CDH13: variants seen among roughly 807,000 people sequenced by gnomAD.
CDH13 encodes cadherin 13.
A neutral mutation model predicts 63.8 loss-of-function variants in CDH13; 24 were observed. That is an observed-to-expected ratio of 0.38 (90% CI 0.27 to 0.53). The LOEUF (loss-of-function observed/expected upper bound fraction) is 0.53. Among genes scored for constraint, CDH13 ranks in the 20% least tolerant of loss-of-function variants. The pLI, the probability that CDH13 is intolerant of heterozygous loss-of-function variation, is 0.85. For missense variants in CDH13, 1,049 were observed against 903.1 expected, an observed-to-expected ratio of 1.16 and a Z score of -2.07; for synonymous variants, 503 against 355.3, an observed-to-expected ratio of 1.42 and a Z score of -4.67.
chr16:83,448,201 T>C (rs2072769282), intron 6 of CDH13, among the ~76,000 whole-genome samples: 4 of 152,130 alleles, frequency 2.6e-5, no homozygotes. Flanking sequence ...TGAGTCTAGC[T>C]ATCTGGAGTG....
chr16:83,273,535 A>AAGCC (rs1171379660), intron 5 of CDH13, among the ~76,000 whole-genome samples: 1 of 152,202 alleles, frequency 6.6e-6, no homozygotes, highest in African/African-American at 2.4e-5. Flanking sequence ...GAATACTATG[A>AAGCC]AGCCACAAAA....
At chr16:83,141,395 T>C (rs1302875681) in intron 4 of CDH13, among the ~76,000 whole-genome samples, 4 of 152,212 alleles carry the variant, frequency 2.6e-5, no homozygotes, top group Non-Finnish European at 2.9e-5. Flanking sequence ...CTTGACATAA[T>C]TGATGTCAGC....
At chr16:83,614,773 G>T (rs1909149466) in intron 8 of CDH13, among the ~76,000 whole-genome samples, 1 of 152,162 alleles carries the variant, frequency 6.6e-6, no homozygotes, top group Non-Finnish European at 1.5e-5. Context: ...ACATGGTGCG[G>T]ATATAATTCC....
intron 7 of CDH13, among the ~76,000 whole-genome samples, chr16:83,590,452 G>C (rs1418057126): frequency 6.6e-6 from 1 of 152,182 alleles, no homozygotes; most frequent in Non-Finnish European, 1.5e-5. Flanking sequence ...CCTCCGGGAA[G>C]AACGGCCAGG....
chr16:82,869,436 T>C (rs932815743), intron 2 of CDH13, among the ~76,000 whole-genome samples: 1 of 151,866 alleles, frequency 6.6e-6, no homozygotes, highest in Non-Finnish European at 1.5e-5. Context: ...TGTAACTTTA[T>C]CCTTATTAAA....
chr16:82,858,711 G>C, intron 2 of CDH13: 1 of 594,630 alleles, frequency 1.7e-6, no homozygotes, highest in Non-Finnish European at 3.0e-6. Context: ...TCTCCATACT[G>C]CTGTCAGAAA....
rs776205026 is a variant in CDH13 at position 83,010,983 on chromosome 16, G to A, written c.158-21027G>A. Among the ~76,000 whole-genome samples, 10 of 152,144 alleles carry A rather than the reference G, an allele frequency of 6.6e-5. No homozygotes were observed. The South Asian group carries it at 8.3e-4, about 13-fold the overall frequency. On this transcript the variant is annotated intron_variant, in intron 2 of 13. Transcript: ENST00000567109. ...AGCACTTAGTTCACACTTCTAATGC[G>A]TAGAACATGCAACATCGTCGCCTAA...
At chr16:82,849,841 C>T (rs62035197) in intron 1 of CDH13, among the ~76,000 whole-genome samples, 14 of 152,116 alleles carry the variant, frequency 9.2e-5, no homozygotes, top group African/African-American at 2.7e-4. Context: ...ACAAAAGGAA[C>T]AACAAAGCCT....
chr16:82,720,870 C>T (rs896786279), intron 1 of CDH13, among the ~76,000 whole-genome samples: 1 of 152,282 alleles, frequency 6.6e-6, no homozygotes, highest in Admixed American at 6.5e-5. Context: ...AATGAGTCTC[C>T]TGTGCCTGAA....
intron 1 of CDH13, among the ~76,000 whole-genome samples, chr16:82,780,492 A>G (rs1031342918): frequency 6.6e-6 from 1 of 152,226 alleles, no homozygotes; most frequent in African/African-American, 2.4e-5. Context: ...TCCCCTCTGC[A>G]GCCAAGTTGA....
chr16:82,881,134 C>T (rs967603755), intron 2 of CDH13, among the ~76,000 whole-genome samples: 1 of 152,060 alleles, frequency 6.6e-6, no homozygotes, highest in African/African-American at 2.4e-5. Context: ...ATGGAAAAGG[C>T]ATATAGCAAA....
intron 1 of CDH13, among the ~76,000 whole-genome samples, chr16:82,656,810 A>T (rs560142680): frequency 1.9e-4 from 29 of 152,158 alleles, no homozygotes; most frequent in African/African-American, 6.5e-4. Flanking sequence ...CCTTTCCCAG[A>T]ATGTCATATG....
At chr16:82,895,799 G>A (rs1364238883) in intron 2 of CDH13, among the ~76,000 whole-genome samples, 1 of 151,954 alleles carries the variant, frequency 6.6e-6, no homozygotes, top group Non-Finnish European at 1.5e-5. Flanking sequence ...GCACTCAGGA[G>A]CTTGAACACG....
chr16:83,712,949 T>C lies in CDH13; in HGVS notation c.1538+34488T>C, dbSNP rs1908287166. 2.6e-5 allele frequency among the ~76,000 whole-genome samples: 4 copies of C among 152,368 alleles called. No homozygotes were observed. In the South Asian group the frequency reaches 8.3e-4, roughly 32 times the overall value. On this transcript the variant is annotated intron_variant, in intron 10 of 13. Coordinates refer to ENST00000567109, the MANE Select transcript of CDH13 (RefSeq NM_001257.5). ...CCGCAAAGTGACTTTGAAGTAACAG[T>C]ACGATTCTGAGCCACGTTAAAGAAA...
intron 2 of CDH13, among the ~76,000 whole-genome samples, chr16:82,998,623 C>A (rs75834356): frequency 0.034 from 5,235 of 152,182 alleles, 111 homozygotes; most frequent in Non-Finnish European, 0.045. Flanking sequence ...CAATTTAGAT[C>A]CTTCTCTTGG....
rs184710810 is a variant in CDH13 at position 82,642,736 on chromosome 16, T to C, written c.45+15599T>C. 1.3e-3 allele frequency among the ~76,000 whole-genome samples: 199 copies of C among 152,348 alleles called. 1 individual carries two copies. Among genetic ancestry groups the C allele is most frequent in the African/African-American group, 4.6e-3 (192 of 41,590 alleles). ...TAGAAGTGGCAGTAATAGTAGCTGA[T>C]ATCAGTGTGGTGCTGATTTTGAACC... is the stretch of plus-strand genomic sequence containing the variant. On this transcript the variant is annotated intron_variant, in intron 1 of 13. Transcript: ENST00000567109.
At chr16:83,730,110 A>C (rs994712878) in intron 10 of CDH13, among the ~76,000 whole-genome samples, 1 of 152,242 alleles carries the variant, frequency 6.6e-6, no homozygotes, top group East Asian at 1.9e-4. Flanking sequence ...ATGTCTACGT[A>C]GCATTCCATT....
At chr16:83,645,106 C>G (rs1291851968) in intron 8 of CDH13, among the ~76,000 whole-genome samples, 1 of 152,210 alleles carries the variant, frequency 6.6e-6, no homozygotes, top group South Asian at 2.1e-4. Context: ...CATATGTTCA[C>G]CACAGCACTA....
intron 6 of CDH13, among the ~76,000 whole-genome samples, chr16:83,375,765 G>C (rs187241994): frequency 5.9e-5 from 9 of 152,258 alleles, no homozygotes; most frequent in Non-Finnish European, 1.2e-4. Context: ...TGAGAAGCTT[G>C]TTGCAGGAAG....
Sources: gnomAD v4.1 joint callset for allele counts (sites outside exome capture counted in the v4.1 genomes callset) on GRCh38, gnomAD v4.1.1 for gene constraint, MANE v1.5 for transcripts, NCBI Gene and HGNC (gene_info 2026-07-23, HGNC 2026-07-21) for gene names.